RTTN: variants seen among roughly 807,000 people sequenced by gnomAD.
The protein encoded by RTTN is rotatin.
RTTN carries 182 observed loss-of-function variants against 269.2 expected under a neutral mutation model. The ratio of observed to expected loss-of-function variants is 0.68; its 90% CI spans 0.60 to 0.76. RTTN has a LOEUF of 0.76. Among genes scored for constraint, RTTN ranks in the 30% least tolerant of loss-of-function variants. The probability of loss-of-function intolerance (pLI) is 0.00; values close to 1 mark genes in which losing one functional copy is unlikely to be tolerated. For synonymous variants in RTTN, 1,006 were observed against 963.5 expected (o/e 1.04, Z -0.82); for missense variants, 2,545 against 2,608.6 (o/e 0.98, Z 0.53).
At chr18:70,102,881 G>A (rs770621872) in intron 28 of RTTN, among the ~76,000 whole-genome samples, 2 of 152,118 alleles carry the variant, frequency 1.3e-5, no homozygotes, top group Non-Finnish European at 2.9e-5. Context: ...TTTTCTTTAA[G>A]AATGTTGAGC....
chr18:70,120,932 T>C (rs187589398), intron 26 of RTTN, among the ~76,000 whole-genome samples: 1 of 151,816 alleles, frequency 6.6e-6, no homozygotes, highest in African/African-American at 2.4e-5. Context: ...GCACCTGTAA[T>C]CCCAGCTACT....
chr18:70,148,799 CTTAAAAATTCT>C (rs911106422), intron 17 of RTTN, 91 bp downstream of exon 17: 2 of 1,412,698 alleles, frequency 1.4e-6, no homozygotes, highest in African/African-American at 2.9e-5. Flanking sequence ...TAACACCCTC[CTTAAAAATTCT>C]TTAGTTTTGT....
chr18:70,143,437 C>A (rs2060310447), intron 18 of RTTN, among the ~76,000 whole-genome samples: 1 of 152,160 alleles, frequency 6.6e-6, no homozygotes, highest in African/African-American at 2.4e-5. Flanking sequence ...GAGATCATGT[C>A]TTTTGAGGGA....
chr18:70,150,571 G>C, intron 15 of RTTN, 37 bp downstream of exon 15: 1 of 1,594,494 alleles, frequency 6.3e-7, no homozygotes. Flanking sequence ...GAGTATCTAA[G>C]TTACTGTAAT....
chr18:70,156,848 G>A (rs1037596397), intron 14 of RTTN, among the ~76,000 whole-genome samples: 2 of 152,106 alleles, frequency 1.3e-5, no homozygotes, highest in Non-Finnish European at 2.9e-5. Context: ...GCCTTAGTTC[G>A]CTGCCAGAAG....
chr18:70,129,953 A>G (rs1241783141), intron 23 of RTTN: 1 of 151,944 alleles, frequency 6.6e-6, no homozygotes, highest in African/African-American at 2.4e-5. Context: ...TAATAATCCA[A>G]TTAAAAGCTG....
intron 11 of RTTN, among the ~76,000 whole-genome samples, chr18:70,174,894 G>A (rs1382212589): frequency 1.3e-5 from 2 of 150,982 alleles, no homozygotes; most frequent in Admixed American, 1.3e-4. Flanking sequence ...TGGGTGTGGT[G>A]GCTCACACCT....
At chr18:70,050,104 A>G (rs1256361080) in intron 39 of RTTN, among the ~76,000 whole-genome samples, 1 of 152,220 alleles carries the variant, frequency 6.6e-6, no homozygotes, top group African/African-American at 2.4e-5. Context: ...GCGTCTGCAT[A>G]GCAAAACAAA....
intron 40 of RTTN, among the ~76,000 whole-genome samples, chr18:70,035,320 G>T (rs1295042925): frequency 6.6e-6 from 1 of 152,106 alleles, no homozygotes; most frequent in Non-Finnish European, 1.5e-5. Flanking sequence ...CTATACTACA[G>T]GGCTACAGTA....
chr18:70,135,116 A>T, intron 22 of RTTN, 68 bp downstream of exon 22: 1 of 877,460 alleles, frequency 1.1e-6, no homozygotes, highest in East Asian at 2.8e-5. Flanking sequence ...ATGCCTTGCT[A>T]TAAGATTACA....
intron 14 of RTTN, among the ~76,000 whole-genome samples, chr18:70,159,985 A>C (rs2060783195): frequency 6.6e-6 from 1 of 152,082 alleles, no homozygotes; most frequent in South Asian, 2.1e-4. Context: ...AGACAAACTC[A>C]CAGCCAAATT....
At chr18:70,038,440 G>T (rs1023990246) in intron 40 of RTTN, among the ~76,000 whole-genome samples, 3 of 152,192 alleles carry the variant, frequency 2.0e-5, no homozygotes, top group Non-Finnish European at 2.9e-5. Flanking sequence ...TTGGGAGAAA[G>T]TAAGGTAAAA....
intron 14 of RTTN, among the ~76,000 whole-genome samples, chr18:70,163,972 A>C (rs1005553597): frequency 6.6e-6 from 1 of 152,204 alleles, no homozygotes; most frequent in Non-Finnish European, 1.5e-5. Context: ...TAACAAAAAG[A>C]CAAACACTGT....
chr18:70,166,766 A>C, intron 13 of RTTN, 153 bp downstream of exon 13: 1 of 590,556 alleles, frequency 1.7e-6, no homozygotes, highest in Non-Finnish European at 3.0e-6. Context: ...GCAGCTGTAC[A>C]TATACCCTTT....
chr18:70,063,893 T>A (rs1043909452), intron 35 of RTTN, among the ~76,000 whole-genome samples: 1 of 151,084 alleles, frequency 6.6e-6, no homozygotes, highest in South Asian at 2.1e-4. Flanking sequence ...GTGTCATATA[T>A]CACCAAAAAA....
chr18:70,197,507 C>T, intron 6 of RTTN, 117 bp downstream of exon 6: 1 of 692,902 alleles, frequency 1.4e-6, no homozygotes, highest in Non-Finnish European at 2.6e-6. Flanking sequence ...CCAAATACTT[C>T]ACTTTTTAAA....
chr18:70,011,470 C>T (rs1313038449), intron 46 of RTTN, among the ~76,000 whole-genome samples: 1 of 152,202 alleles, frequency 6.6e-6, no homozygotes, highest in Non-Finnish European at 1.5e-5. Flanking sequence ...ATCACATAAA[C>T]AGAGCCAACG....
At chr18:70,071,155 A>T (rs2058284593) in intron 34 of RTTN, among the ~76,000 whole-genome samples, 1 of 152,176 alleles carries the variant, frequency 6.6e-6, no homozygotes, top group Admixed American at 6.5e-5. Context: ...CATGCACTCC[A>T]TGGAGTGGGA....
At chr18:70,052,718 A>C (rs2057709143) in intron 38 of RTTN, among the ~76,000 whole-genome samples, 2 of 150,776 alleles carry the variant, frequency 1.3e-5, no homozygotes, top group Non-Finnish European at 3.0e-5. Flanking sequence ...CAGCAATATA[A>C]TAAATTCTTA....
Sources: allele counts gnomAD v4.1 joint callset (sites outside exome capture counted in the v4.1 genomes callset), GRCh38; gene constraint gnomAD v4.1.1; transcripts MANE v1.5; gene names NCBI Gene and HGNC (gene_info 2026-07-23, HGNC 2026-07-21).